Variants in UPF2 observed in about 807,000 individuals in gnomAD.
UPF2 encodes regulator of nonsense transcripts 2.
In UPF2, 17 loss-of-function variants were observed where a neutral mutation model predicts 141.4. That is an observed-to-expected ratio of 0.12 (90% CI 0.08 to 0.18). UPF2 has a LOEUF of 0.18. Among genes scored for constraint, UPF2 ranks in the 10% least tolerant of loss-of-function variants. The pLI, the probability that UPF2 is intolerant of heterozygous loss-of-function variation, is 1.00. For missense variants in UPF2, 1,152 were observed against 1,515.9 expected (o/e 0.76, Z 3.99); for synonymous variants, 540 against 498.0 (o/e 1.08, Z -1.12).
At chr10:11,938,448 G>C (rs1482436478) in intron 18 of UPF2, among the ~76,000 whole-genome samples, 1 of 152,024 alleles carries the variant, frequency 6.6e-6, no homozygotes, top group Non-Finnish European at 1.5e-5. Flanking sequence ...CAGGTTTACT[G>C]AATTTCCCTC....
Position 11,956,123 on chromosome 10 carries a change from G to A in UPF2, c.2574+197C>T, listed in dbSNP as rs1833145656. On this transcript the variant is annotated intron_variant, in intron 13 of 21. Transcript: ENST00000357604. This position sits in a 1 kb window ranked among gnomAD's most constrained non-coding sequence, Gnocchi z 4.2. ...GATCGTGCCAGTGCACTCCAGCCTG[G>A]GTGACACAGCGAGACTCAGTCTCAA... Among the ~76,000 whole-genome samples the A allele has an allele frequency of 6.6e-6, 1 of 151,350 alleles. No homozygotes were observed. Among genetic ancestry groups the A allele is most frequent in the Non-Finnish European group, 1.5e-5 (1 of 67,912 alleles).
At chr10:11,925,074 C>T (rs1158988920) in intron 21 of UPF2, among the ~76,000 whole-genome samples, 1 of 152,104 alleles carries the variant, frequency 6.6e-6, no homozygotes, top group Non-Finnish European at 1.5e-5. Flanking sequence ...CTTCCTCGGC[C>T]CCCCAAAGTG....
At chr10:11,933,934 G>A (rs569175865) in intron 19 of UPF2, among the ~76,000 whole-genome samples, 126 of 152,314 alleles carry the variant, frequency 8.3e-4, no homozygotes, top group African/African-American at 2.9e-3. Context: ...TTATCTAGCA[G>A]CTGTGCAGGA....
intron 21 of UPF2, among the ~76,000 whole-genome samples, chr10:11,927,295 G>A (rs563004616): frequency 6.6e-6 from 1 of 152,356 alleles, no homozygotes; most frequent in Admixed American, 6.5e-5. Flanking sequence ...ATAAAAACGT[G>A]CTATTCAGAG....
intron 15 of UPF2, among the ~76,000 whole-genome samples, chr10:11,949,800 T>G (rs1216336515): frequency 6.6e-6 from 1 of 152,136 alleles, no homozygotes; most frequent in Non-Finnish European, 1.5e-5. Flanking sequence ...TGTTCTTAAA[T>G]TAAAATAAAA....
chr10:11,969,975 C>T (rs572798889), intron 9 of UPF2, among the ~76,000 whole-genome samples: 32 of 152,252 alleles, frequency 2.1e-4, no homozygotes, highest in African/African-American at 7.7e-4. Context: ...TACATGGGCA[C>T]TAAATAAATG....
At chr10:11,999,218 GA>G (rs903956361) in intron 7 of UPF2, among the ~76,000 whole-genome samples, 1 of 148,492 alleles carries the variant, frequency 6.7e-6, no homozygotes, top group African/African-American at 2.5e-5. Context: ...CAATAAAAAA[GA>G]AAAAAAAACA....
chr10:11,976,750 G>A (rs1215752507), intron 9 of UPF2, among the ~76,000 whole-genome samples: 1 of 152,154 alleles, frequency 6.6e-6, no homozygotes, highest in Non-Finnish European at 1.5e-5. Context: ...GAAAAAAGGT[G>A]GAGGAGATTA....
At chr10:11,930,280 C>T (rs1832767383) in intron 20 of UPF2, among the ~76,000 whole-genome samples, 1 of 152,326 alleles carries the variant, frequency 6.6e-6, no homozygotes, top group African/African-American at 2.4e-5. Flanking sequence ...CTAAGAGCAT[C>T]GTGTGTAGAG....
Position 12,019,651 on chromosome 10 carries a change from C to T in UPF2, c.1146-5467G>A, listed in dbSNP as rs554371576. 1.3e-5 allele frequency among the ~76,000 whole-genome samples: 2 copies of T among 152,262 alleles called. No individual in the cohort carries two copies. The highest frequency in any genetic ancestry group is 6.5e-5 in the Admixed American group (1 of 15,296). ...AAATAAAAAAAAATTGCCTTCCTTT[C>T]GGCAACATACGTGAGACATCACTGT... On this transcript the variant is annotated intron_variant, in intron 3 of 21. Transcript: ENST00000357604. This position sits in a 1 kb window ranked among gnomAD's most constrained non-coding sequence, Gnocchi z 4.5.
chr10:12,035,334 T>C lies in UPF2; in HGVS notation c.90A>G (p.Thr30=). The change falls in exon 2 of 22, where the codon ACA becomes ACG. Residue 30 remains threonine (T), a synonymous_variant. Coordinates refer to ENST00000357604, the MANE Select transcript of UPF2 (RefSeq NM_015542.4). ...CTTTTGGCCTCTCCTTGCTGCTCACTGTCCGCCTTTCACTGCAGTCTTTTT... is the reference window on the plus strand; with the variant it reads ...CTTTTGGCCTCTCCTTGCTGCTCACCGTCCGCCTTTCACTGCAGTCTTTTT... ...NKEKDCSERR[T]VSSKERPKDD... The C allele has an allele frequency of 1.2e-6, 2 of 1,612,430 alleles. No homozygotes were observed. Among genetic ancestry groups the C allele is most frequent in the Non-Finnish European group, 1.7e-6 (2 of 1,179,704 alleles).
intron 4 of UPF2, among the ~76,000 whole-genome samples, chr10:12,007,553 G>A (rs1282314253): frequency 3.9e-5 from 6 of 152,040 alleles, no homozygotes; most frequent in South Asian, 4.1e-4. Context: ...TCCGTCGGCC[G>A]GGCACAGTGG....
chr10:11,956,547 AATT>A lies in UPF2; in HGVS notation c.2371-27_2371-25del, dbSNP rs1349409728. On this transcript the variant is annotated intron_variant, in intron 12 of 21. Coordinates refer to ENST00000357604, the MANE Select transcript of UPF2 (RefSeq NM_015542.4). This position sits in a 1 kb window ranked among gnomAD's most constrained non-coding sequence, Gnocchi z 4.2. ...ACCTAAAAAAAGAGAATTTTGTTCA[AATT>A]ATTAAGATAAGTACACAGTAGCCTG... 5 of 1,607,972 alleles carry A rather than the reference AATT, an allele frequency of 3.1e-6. No homozygotes were observed. The Admixed American group carries it at 6.7e-5, about 22-fold the overall frequency.
intron 1 of UPF2, among the ~76,000 whole-genome samples, chr10:12,037,956 TC>T (rs1329333026): frequency 6.6e-6 from 1 of 152,182 alleles, no homozygotes; most frequent in East Asian, 1.9e-4. Flanking sequence ...TTCTCCTTTT[TC>T]TTTTACTCCC....
intron 3 of UPF2, among the ~76,000 whole-genome samples, chr10:12,026,092 C>T (rs763699644): frequency 1.3e-5 from 2 of 152,140 alleles, no homozygotes; most frequent in Non-Finnish European, 2.9e-5. Context: ...CCGCACCCTG[C>T]CAGTACTATT....
chr10:11,924,766 T>C lies in UPF2; in HGVS notation c.3810-3459A>G, dbSNP rs374843379. ...CACTGCTCCTAGACCTAAACTACTT[T>C]ATAATCAGTTTCCAAATAAATTTCC... On this transcript the variant is annotated intron_variant, in intron 21 of 21. Transcript: ENST00000357604. Among the ~76,000 whole-genome samples, 16 of 152,284 alleles carry C rather than the reference T, an allele frequency of 1.1e-4. No homozygotes were observed. In the East Asian group the frequency reaches 2.7e-3, roughly 26 times the overall value.
intron 15 of UPF2, among the ~76,000 whole-genome samples, chr10:11,949,737 T>C (rs1833049934): frequency 2.0e-5 from 3 of 152,190 alleles, no homozygotes; most frequent in Admixed American, 6.5e-5. Context: ...GAATACTGCT[T>C]TGAACACTTC....
chr10:11,948,138 C>T (rs1473208886), intron 16 of UPF2, among the ~76,000 whole-genome samples: 1 of 150,660 alleles, frequency 6.6e-6, no homozygotes, highest in Admixed American at 6.7e-5. Flanking sequence ...ATCTCAGCTA[C>T]TCGGGAGGCT....
At position 12,042,318 on chromosome 10, in the gene UPF2, G is replaced by A. The variant is rs1360548439; in HGVS notation, c.-19+437C>T. Among the ~76,000 whole-genome samples the A allele has an allele frequency of 1.3e-5, 2 of 151,882 alleles. No homozygotes were observed. The highest frequency in any genetic ancestry group is 4.8e-5 in the African/African-American group (2 of 41,352). On this transcript the variant is annotated intron_variant, in intron 1 of 21. Transcript: ENST00000357604. This position sits in a 1 kb window ranked among gnomAD's most constrained non-coding sequence, Gnocchi z 5.5. ...CTCGCCACAGAAGCCTTCCCGGCCGGTCTCCCCACTCCGCAGCCTCCCACA... is the reference window on the plus strand; with the variant it reads ...CTCGCCACAGAAGCCTTCCCGGCCGATCTCCCCACTCCGCAGCCTCCCACA...
Sources: allele counts gnomAD v4.1 joint callset (sites outside exome capture counted in the v4.1 genomes callset), GRCh38; gene constraint gnomAD v4.1.1; non-coding constraint Gnocchi (gnomAD v3.1); transcripts MANE v1.5; gene names NCBI Gene and HGNC (gene_info 2026-07-23, HGNC 2026-07-21).